Variants in POC1A observed in about 807,000 individuals in gnomAD.
The protein encoded by POC1A is POC1 centriolar protein A, also known as POC1 centriolar protein homolog A.
POC1A carries 34 observed loss-of-function variants against 47.8 expected under a neutral mutation model. The ratio of observed to expected loss-of-function variants is 0.71; its 90% CI spans 0.54 to 0.95. The LOEUF (loss-of-function observed/expected upper bound fraction) is 0.95, where lower values mean the gene tolerates loss of function less well. Among genes scored for constraint, POC1A ranks in the 40% least tolerant of loss-of-function variants. The pLI is 0.00. For synonymous variants in POC1A, 177 were observed against 207.6 expected (o/e 0.85, Z 1.27); for missense variants, 466 against 528.3 (o/e 0.88, Z 1.16).
intron 3 of POC1A, 95 bp downstream of exon 3, chr3:52,149,721 G>A (rs1240475324): frequency 2.5e-6 from 3 of 1,208,510 alleles, no homozygotes; most frequent in African/African-American, 3.0e-5. Flanking sequence ...GTCCCACTGT[G>A]ACCAGTCCAG....
chr3:52,130,752 C>T (rs138495205), intron 7 of POC1A, among the ~76,000 whole-genome samples: 1 of 152,250 alleles, frequency 6.6e-6, no homozygotes, highest in Non-Finnish European at 1.5e-5. Flanking sequence ...AGCTGCCCTC[C>T]ACCTGGGGTG....
rs530263858 is a variant in POC1A at position 52,105,238 on chromosome 3, A to C, written c.982-8526T>G. On this transcript the variant is annotated intron_variant, in intron 9 of 10. Coordinates refer to ENST00000296484, the MANE Select transcript of POC1A (RefSeq NM_015426.5). ...AACCAAGGCATGTCACTACATTTCC[A>C]AAGCAGGGCTGCCCTGTGCAAAACT... Among the ~76,000 whole-genome samples the C allele has an allele frequency of 7.2e-5, 11 of 152,346 alleles. No homozygotes were observed. In the South Asian group the frequency reaches 2.1e-3, roughly 29 times the overall value.
chr3:52,135,256 C>T (rs886496899), intron 7 of POC1A, among the ~76,000 whole-genome samples: 1 of 152,256 alleles, frequency 6.6e-6, no homozygotes, highest in Non-Finnish European at 1.5e-5. Context: ...ATCCTAGCCA[C>T]AGATCTCCAT....
intron 9 of POC1A, among the ~76,000 whole-genome samples, chr3:52,101,354 T>C (rs1702999364): frequency 6.7e-6 from 1 of 148,282 alleles, no homozygotes; most frequent in Non-Finnish European, 1.5e-5. Flanking sequence ...GCATGATGCC[T>C]GGCATTTAAT....
chr3:52,103,632 C>T lies in POC1A; in HGVS notation c.982-6920G>A, dbSNP rs113927645. Among the ~76,000 whole-genome samples, 5 of 152,164 alleles carry T rather than the reference C, an allele frequency of 3.3e-5. 1 individual carries two copies. The highest frequency in any genetic ancestry group is 1.2e-4 in the African/African-American group (5 of 41,512). On this transcript the variant is annotated intron_variant, in intron 9 of 10. Coordinates refer to ENST00000296484, the MANE Select transcript of POC1A (RefSeq NM_015426.5). ...TCTGTGACCTTGGGTTGGGTATATT[C>T]CTTAGATATGACACCTAAAGTATGA...
Position 52,111,606 on chromosome 3 carries a change from A to G in POC1A, c.981+10773T>C, listed in dbSNP as rs932074772. Among the ~76,000 whole-genome samples the G allele has an allele frequency of 2.8e-5, 4 of 142,404 alleles. No individual in the cohort carries two copies. The Admixed American group carries it at 2.9e-4, about 10-fold the overall frequency. 93.4% of individuals were successfully genotyped at this position (142,404 alleles called of 152,430 possible). On this transcript the variant is annotated intron_variant, in intron 9 of 10. Coordinates refer to ENST00000296484, the MANE Select transcript of POC1A (RefSeq NM_015426.5). Reference sequence around the variant, plus strand: ...GGTTACAGTAAGCCGAGATCGCGCTATTGCATTCCAGCCTAGGCAAGAATG... The same window carrying G: ...GGTTACAGTAAGCCGAGATCGCGCTGTTGCATTCCAGCCTAGGCAAGAATG...
At chr3:52,103,664 A>G (rs1309329037) in intron 9 of POC1A, among the ~76,000 whole-genome samples, 1 of 152,238 alleles carries the variant, frequency 6.6e-6, no homozygotes, top group Non-Finnish European at 1.5e-5. Context: ...ATGATCCATA[A>G]AAGAAAAAAT....
rs115598261 is a variant in POC1A at position 52,124,939 on chromosome 3, G to A, written c.882+174C>T. On this transcript the variant is annotated intron_variant, in intron 8 of 10. Transcript: ENST00000296484. The stretch of plus-strand genomic sequence containing the variant: ...AGGAGGCCCATTCTGGAGTGGCAAG[G>A]CCCCTGGATCTGGGCAACCCCACCC... Among the ~76,000 whole-genome samples the A allele has an allele frequency of 0.074, 11,198 of 152,160 alleles. 485 individuals are homozygous for A. The highest frequency in any genetic ancestry group is 0.089 in the Non-Finnish European group (6,080 of 68,012).
chr3:52,130,637 C>T (rs184134244), intron 7 of POC1A, among the ~76,000 whole-genome samples: 1 of 152,328 alleles, frequency 6.6e-6, no homozygotes, highest in Non-Finnish European at 1.5e-5. Flanking sequence ...GCCCGACCAC[C>T]CAAGCCAGGT....
intron 6 of POC1A, among the ~76,000 whole-genome samples, chr3:52,139,344 C>T (rs183667896): frequency 6.6e-6 from 1 of 152,316 alleles, no homozygotes; most frequent in African/African-American, 2.4e-5. Context: ...CAGCTTGGCC[C>T]TGTCCATGAC....
chr3:52,103,514 A>G (rs1465098536), intron 9 of POC1A, among the ~76,000 whole-genome samples: 1 of 152,244 alleles, frequency 6.6e-6, no homozygotes, highest in Non-Finnish European at 1.5e-5. Flanking sequence ...CAACAAAGCA[A>G]GACTTCGTCT....
chr3:52,090,409 ACAGCAGCCTCCC>A lies in POC1A; in HGVS notation c.1125+6148_1125+6159del, dbSNP rs1386863033. ...TGTTGGGCCTATGCCGGGCCCCCTCACAGCAGCCTCCCCAGCTCCTGGGTCATTGTCCACACC... is the reference window on the plus strand; with the variant it reads ...TGTTGGGCCTATGCCGGGCCCCCTCACAGCTCCTGGGTCATTGTCCACACC... On this transcript the variant is annotated intron_variant, in intron 10 of 10. Transcript: ENST00000296484. The surrounding 1 kb of genome is among the most constrained non-coding windows in gnomAD (Gnocchi z 4.2). Among the ~76,000 whole-genome samples, 14 of 152,186 alleles carry A rather than the reference ACAGCAGCCTCCC, an allele frequency of 9.2e-5. No homozygotes were observed. Among genetic ancestry groups the A allele is most frequent in the Admixed American group, 9.2e-4 (14 of 15,282 alleles).
At chr3:52,150,820 C>A (rs1324251308) in intron 2 of POC1A, among the ~76,000 whole-genome samples, 196 bp downstream of exon 2, 1 of 152,130 alleles carries the variant, frequency 6.6e-6, no homozygotes, top group African/African-American at 2.4e-5. Flanking sequence ...CCTCTCTGAC[C>A]CTCAGGCTCT....
At chr3:52,078,658 C>T (rs1702192779) in intron 10 of POC1A, among the ~76,000 whole-genome samples, 1 of 151,990 alleles carries the variant, frequency 6.6e-6, no homozygotes, top group Non-Finnish European at 1.5e-5. Flanking sequence ...CTACAGGCAC[C>T]CGCCACTGCG....
rs571695395 is a variant in POC1A at position 52,134,002 on chromosome 3, C to T, written c.813+4167G>A. On this transcript the variant is annotated intron_variant, in intron 7 of 10. Transcript: ENST00000296484. ...CTCTGAGGACACAGCAGGTCCCCTGCGTCCAAACCAAAGTTTCATGGGGCT... is the reference window on the plus strand; with the variant it reads ...CTCTGAGGACACAGCAGGTCCCCTGTGTCCAAACCAAAGTTTCATGGGGCT... Among the ~76,000 whole-genome samples, 88 of 152,242 alleles carry T rather than the reference C, an allele frequency of 5.8e-4. 1 individual carries two copies. The highest frequency in any genetic ancestry group is 1.0e-3 in the Non-Finnish European group (70 of 68,046).
chr3:52,139,170 C>A (rs1025794232), intron 6 of POC1A, among the ~76,000 whole-genome samples: 2 of 152,144 alleles, frequency 1.3e-5, no homozygotes, highest in Non-Finnish European at 2.9e-5. Context: ...TCAGTTTCTC[C>A]ATCTGTACCA....
At chr3:52,109,496 CA>C (rs376697180) in intron 9 of POC1A, among the ~76,000 whole-genome samples, 31 of 142,118 alleles carry the variant, frequency 2.2e-4, no homozygotes, top group East Asian at 4.0e-4. Flanking sequence ...AACAAACAAA[CA>C]AAAAAAAAAA....
chr3:52,078,851 G>T (rs1335905147), intron 10 of POC1A, among the ~76,000 whole-genome samples: 2 of 152,268 alleles, frequency 1.3e-5, no homozygotes, highest in Non-Finnish European at 2.9e-5. Flanking sequence ...ACAAGGGGAA[G>T]GAAGGGGTTC....
intron 7 of POC1A, among the ~76,000 whole-genome samples, chr3:52,136,162 G>A (rs1161176650): frequency 1.3e-5 from 2 of 152,248 alleles, no homozygotes; most frequent in South Asian, 2.1e-4. Context: ...GGGTGTCGTC[G>A]GTATCCCAGG....
Sources: gnomAD v4.1 joint callset for allele counts (sites outside exome capture counted in the v4.1 genomes callset) on GRCh38, gnomAD v4.1.1 for gene constraint, Gnocchi (gnomAD v3.1) non-coding constraint, MANE v1.5 for transcripts, NCBI Gene and HGNC (gene_info 2026-07-23, HGNC 2026-07-21) for gene names.